Variants in CPNE4 observed in about 807,000 individuals in gnomAD.
CPNE4 encodes copine 4.
A neutral mutation model predicts 67.9 loss-of-function variants in CPNE4; 25 were observed. The ratio of observed to expected loss-of-function variants is 0.37; its 90% CI spans 0.27 to 0.51. The LOEUF is 0.51. CPNE4 is among the 20% of genes least tolerant of loss of function. The pLI is 0.93. For missense variants in CPNE4, 464 were observed against 690.8 expected (o/e 0.67, Z 3.68); for synonymous variants, 242 against 244.9 (o/e 0.99, Z 0.11).
At chr3:131,567,101 G>A (rs927050749) in intron 10 of CPNE4, among the ~76,000 whole-genome samples, 1 of 151,964 alleles carries the variant, frequency 6.6e-6, no homozygotes, top group African/African-American at 2.4e-5. Context: ...TCTGTCCCAT[G>A]TGCTGGTTGT....
intron 3 of CPNE4, among the ~76,000 whole-genome samples, chr3:131,718,312 A>C (rs138255246): frequency 1.4e-3 from 219 of 152,190 alleles, no homozygotes; most frequent in African/African-American, 4.9e-3. Context: ...ATACACATCC[A>C]ATCTTGTCCT....
chr3:132,030,396 CA>C (rs1401412717), intron 1 of CPNE4, among the ~76,000 whole-genome samples: 2 of 152,180 alleles, frequency 1.3e-5, no homozygotes, highest in African/African-American at 4.8e-5. Flanking sequence ...GAGATGGCTG[CA>C]GACAATGACT....
intron 14 of CPNE4, among the ~76,000 whole-genome samples, chr3:131,546,369 T>C (rs994643826): frequency 2.6e-5 from 4 of 152,148 alleles, no homozygotes; most frequent in Non-Finnish European, 4.4e-5. Flanking sequence ...ATACTTGAGG[T>C]CCTGTTTAGA....
At chr3:131,760,939 A>T (rs2082871513) in intron 2 of CPNE4, among the ~76,000 whole-genome samples, 2 of 152,132 alleles carry the variant, frequency 1.3e-5, no homozygotes, top group African/African-American at 4.8e-5. Context: ...ATTCAAGGAG[A>T]TGATTTAATT....
chr3:131,819,220 A>G (rs886488219), intron 2 of CPNE4, among the ~76,000 whole-genome samples: 1 of 152,196 alleles, frequency 6.6e-6, no homozygotes, highest in Non-Finnish European at 1.5e-5. Context: ...CATGTGATCA[A>G]GAGAACAAAA....
At chr3:131,608,082 A>C (rs748965281) in intron 7 of CPNE4, among the ~76,000 whole-genome samples, 11 of 152,226 alleles carry the variant, frequency 7.2e-5, no homozygotes, top group Non-Finnish European at 1.2e-4. Flanking sequence ...ATCTGAATTT[A>C]GGTAAAACTC....
At chr3:131,539,568 G>T (rs532358834) in intron 15 of CPNE4, among the ~76,000 whole-genome samples, 49 of 152,320 alleles carry the variant, frequency 3.2e-4, no homozygotes, top group African/African-American at 1.1e-3. Context: ...TGGTCCTAGT[G>T]ACTAGCATGT....
rs1560048206 is a variant in CPNE4 at position 131,650,772 on chromosome 3, A to AAAAAAAAT, written c.681+18902_681+18903insATTTTTTT. 3.9e-4 allele frequency among the ~76,000 whole-genome samples: 56 copies of AAAAAAAAT among 144,662 alleles called. 2 individuals carry two copies. Among genetic ancestry groups the AAAAAAAAT allele is most frequent in the African/African-American group, 1.3e-3 (53 of 39,660 alleles). The allele number at this position is 144,662 out of a possible 152,430, so 94.9% of individuals were successfully genotyped here. On this transcript the variant is annotated intron_variant, in intron 7 of 15. Transcript: ENST00000429747. ...AAAAAAAAAAAAAAAAAAAAAAAAA[A>AAAAAAAAT]ATTCTATTATTGCATAAAATTTAAA...
At chr3:131,698,743 C>T (rs1177771199) in intron 4 of CPNE4, among the ~76,000 whole-genome samples, 1 of 151,546 alleles carries the variant, frequency 6.6e-6, no homozygotes, top group Non-Finnish European at 1.5e-5. Flanking sequence ...AACTCCATCT[C>T]TACTAAAAAT....
At chr3:131,863,367 C>T (rs1210912230) in intron 2 of CPNE4, among the ~76,000 whole-genome samples, 1 of 152,068 alleles carries the variant, frequency 6.6e-6, no homozygotes, top group Non-Finnish European at 1.5e-5. Context: ...CTCTCCAGCA[C>T]CTGTTGTTTC....
chr3:131,932,699 G>C lies in CPNE4; in HGVS notation c.-1-27255C>G, dbSNP rs1041783186. Among the ~76,000 whole-genome samples, 4 of 150,640 alleles carry C rather than the reference G, an allele frequency of 2.7e-5. No individual in the cohort carries two copies. The South Asian group carries it at 8.4e-4, about 32-fold the overall frequency. On this transcript the variant is annotated intron_variant, in intron 1 of 15. Transcript: ENST00000429747. ...AGAGCACGCACTGGGAGGCCAAGGT[G>C]GGCAGATCATCTGAGGTCAGGAGTT... is the stretch of plus-strand genomic sequence containing the variant.
chr3:131,978,148 A>AAAATATATAAATATATATAAATATGT, intron 1 of CPNE4, among the ~76,000 whole-genome samples: 1 of 76,310 alleles, frequency 1.3e-5, no homozygotes, highest in Non-Finnish European at 2.2e-5. Context: ...AAATATATAT[A>AAAATATATAAATATATATAAATATGT]AAATATATAA....
At chr3:131,670,479 A>G (rs1422481947) in intron 6 of CPNE4, among the ~76,000 whole-genome samples, 2 of 152,240 alleles carry the variant, frequency 1.3e-5, no homozygotes, top group African/African-American at 4.8e-5. Context: ...TTATCTTGCC[A>G]TAACTATGGT....
At chr3:131,931,943 T>C (rs543935498) in intron 1 of CPNE4, among the ~76,000 whole-genome samples, 17 of 152,302 alleles carry the variant, frequency 1.1e-4, no homozygotes, top group African/African-American at 3.8e-4. Flanking sequence ...TCCAAGTTTA[T>C]TGACCTTCAA....
intron 2 of CPNE4, among the ~76,000 whole-genome samples, chr3:131,731,846 A>G (rs13077409): frequency 0.26 from 39,537 of 151,982 alleles, 5,383 homozygotes; most frequent in East Asian, 0.3. Context: ...ATCCTGTATA[A>G]TACACACACA....
chr3:131,754,035 C>T (rs2082693657), intron 2 of CPNE4, among the ~76,000 whole-genome samples: 1 of 151,986 alleles, frequency 6.6e-6, no homozygotes, highest in Non-Finnish European at 1.5e-5. Context: ...TGATGAATGC[C>T]CATCAACAAG....
At chr3:131,713,992 G>T (rs1312139337) in intron 3 of CPNE4, among the ~76,000 whole-genome samples, 1 of 152,094 alleles carries the variant, frequency 6.6e-6, no homozygotes, top group Non-Finnish European at 1.5e-5. Context: ...CACTCACGTG[G>T]CTTCTGCTTG....
chr3:131,727,482 A>AC (rs397779613), intron 2 of CPNE4, among the ~76,000 whole-genome samples: 3 of 151,840 alleles, frequency 2.0e-5, no homozygotes, highest in Non-Finnish European at 4.4e-5. Context: ...AGAAAAAAAA[A>AC]TCTAAAACAT....
chr3:131,579,465 T>TA (rs1937648738), intron 9 of CPNE4, among the ~76,000 whole-genome samples: 1 of 152,224 alleles, frequency 6.6e-6, no homozygotes, highest in Non-Finnish European at 1.5e-5. Context: ...CAAGTCTTCT[T>TA]ATTTAAGAAA....
Sources: gnomAD v4.1 joint callset for allele counts (sites outside exome capture counted in the v4.1 genomes callset) on GRCh38, gnomAD v4.1.1 for gene constraint, MANE v1.5 for transcripts, NCBI Gene and HGNC (gene_info 2026-07-23, HGNC 2026-07-21) for gene names.